EEFSEC: variants seen among roughly 807,000 people sequenced by gnomAD.
The protein encoded by EEFSEC is selenocysteine-specific elongation factor.
Under a neutral mutation model 42.1 loss-of-function variants are expected in EEFSEC, and 43 were observed. That is an observed-to-expected ratio of 1.02 (90% confidence interval 0.80 to 1.32). EEFSEC has a LOEUF of 1.32. Ranked by LOEUF, EEFSEC falls within the 40% of genes most tolerant of loss-of-function variation. EEFSEC has a pLI of 0.00. For missense variants in EEFSEC, 745 were observed against 803.6 expected, an observed-to-expected ratio of 0.93 and a Z score of 0.88; for synonymous variants, 354 against 339.1, an observed-to-expected ratio of 1.04 and a Z score of -0.48.
At chr3:128,252,965 A>C (rs536779901) in intron 2 of EEFSEC, among the ~76,000 whole-genome samples, 4 of 152,224 alleles carry the variant, frequency 2.6e-5, no homozygotes, top group African/African-American at 4.8e-5. Context: ...TAGACCCCAG[A>C]CACCAATCCA....
At chr3:128,272,254 G>A (rs1426488208) in intron 4 of EEFSEC, among the ~76,000 whole-genome samples, 3 of 152,206 alleles carry the variant, frequency 2.0e-5, no homozygotes, top group African/African-American at 7.2e-5. Context: ...GCTATCGAAG[G>A]ATCCGTCCTG....
intron 5 of EEFSEC, among the ~76,000 whole-genome samples, chr3:128,347,601 A>AAAT (rs898396419): frequency 2.0e-5 from 3 of 152,190 alleles, no homozygotes; most frequent in Non-Finnish European, 2.9e-5. Flanking sequence ...CAATGTTAAT[A>AAAT]AATAATAATA....
intron 1 of EEFSEC, among the ~76,000 whole-genome samples, chr3:128,238,277 C>T (rs1000734121): frequency 6.6e-6 from 1 of 152,210 alleles, no homozygotes; most frequent in Non-Finnish European, 1.5e-5. Flanking sequence ...ACAGCTGCTC[C>T]TCAGCCACAT....
chr3:128,224,032 G>A (rs192926719), intron 1 of EEFSEC, among the ~76,000 whole-genome samples: 1 of 150,674 alleles, frequency 6.6e-6, no homozygotes, highest in Non-Finnish European at 1.5e-5. Context: ...TATTTTCTAT[G>A]TGATCTTCTG....
intron 5 of EEFSEC, among the ~76,000 whole-genome samples, chr3:128,355,584 T>C (rs2067442693): frequency 6.8e-6 from 1 of 147,456 alleles, no homozygotes; most frequent in African/African-American, 2.5e-5. Context: ...TGTTATTGTG[T>C]ATCAGTTATA....
At chr3:128,329,878 T>G (rs2108053853) in intron 4 of EEFSEC, among the ~76,000 whole-genome samples, 1 of 152,334 alleles carries the variant, frequency 6.6e-6, no homozygotes, top group African/African-American at 2.4e-5. Context: ...TCTGTCCACC[T>G]TGGATCCATT....
At position 128,408,297 on chromosome 3, in the gene EEFSEC, C is replaced by T. The variant is rs757955975; in HGVS notation, c.*38C>T. 6.6e-7 allele frequency: 1 copy of T among 1,513,342 alleles called. No individual in the cohort carries two copies. The highest frequency in any genetic ancestry group is 2.0e-5 in the Admixed American group (1 of 49,670). The allele number at this position is 1,513,342 out of a possible 1,614,324, so 93.7% of individuals were successfully genotyped here. A position where few individuals can be genotyped will look rare whatever the true frequency, so the allele number is the denominator to read the frequency against. ...CTCCCCCAGGGCCTCCTTGCCCAGC[C>T]CAGTCCAGGCTGCTGTGCCAAATCC... On this transcript the variant is annotated 3_prime_UTR_variant, in exon 7 of 7. Coordinates refer to ENST00000254730, the MANE Select transcript of EEFSEC (RefSeq NM_021937.5).
chr3:128,307,032 A>G (rs189140105), intron 4 of EEFSEC, among the ~76,000 whole-genome samples: 2 of 152,376 alleles, frequency 1.3e-5, no homozygotes, highest in East Asian at 1.9e-4. Context: ...AATTGGAACC[A>G]GACTGCAGGG....
At position 128,153,601 on chromosome 3, in the gene EEFSEC, T is replaced by G; in HGVS notation, c.94T>G (p.Ser32Ala). 6.3e-7 allele frequency: 1 copy of G among 1,591,380 alleles called. No homozygotes were observed. Among genetic ancestry groups the G allele is most frequent in the Non-Finnish European group, 8.5e-7 (1 of 1,175,078 alleles). Residue 32 changes from serine (S) to alanine (A), a missense_variant, in exon 1 of 7, where the codon TCC becomes GCC. Ser to Ala is a moderately conservative substitution (Grantham distance 99). Coordinates refer to ENST00000254730, the MANE Select transcript of EEFSEC (RefSeq NM_021937.5). ...ALARALSTTA[S>A]TAAFDKQPQS... ...GGCGCGGGCGCTAAGCACCACAGCC[T>G]CCACCGCCGCCTTTGACAAGCAGCC...
At chr3:128,382,840 C>T (rs2067793404) in intron 6 of EEFSEC, among the ~76,000 whole-genome samples, 1 of 152,164 alleles carries the variant, frequency 6.6e-6, no homozygotes, top group South Asian at 2.1e-4. Flanking sequence ...AAAAGCAACC[C>T]CTACTCTTCT....
intron 6 of EEFSEC, among the ~76,000 whole-genome samples, chr3:128,395,501 A>T (rs571559233): frequency 6.6e-6 from 1 of 152,122 alleles, no homozygotes; most frequent in Non-Finnish European, 1.5e-5. Flanking sequence ...CACTGCTGTC[A>T]TGGGTGGTTT....
At chr3:128,363,943 A>T (rs769013670) in intron 6 of EEFSEC, among the ~76,000 whole-genome samples, 77 of 151,700 alleles carry the variant, frequency 5.1e-4, no homozygotes, top group Non-Finnish European at 7.9e-4. Flanking sequence ...ACCTCATCAG[A>T]CTCCCTCAGA....
intron 6 of EEFSEC, among the ~76,000 whole-genome samples, chr3:128,395,651 G>C (rs894559641): frequency 6.6e-6 from 1 of 152,210 alleles, no homozygotes; most frequent in Non-Finnish European, 1.5e-5. Flanking sequence ...CCTCACAGGG[G>C]ATCGTGGCCG....
chr3:128,252,037 C>T (rs538050665), intron 2 of EEFSEC, among the ~76,000 whole-genome samples: 15 of 152,254 alleles, frequency 9.9e-5, no homozygotes, highest in Admixed American at 3.9e-4. Flanking sequence ...GTGTTCTAGG[C>T]TTTTCTGTTT....
intron 5 of EEFSEC, among the ~76,000 whole-genome samples, chr3:128,357,388 A>G (rs1279792024): frequency 6.6e-6 from 1 of 152,276 alleles, no homozygotes; most frequent in East Asian, 1.9e-4. Context: ...GGGCACCCAC[A>G]AAGAGACAGC....
chr3:128,247,551 A>T (rs1456410974), intron 2 of EEFSEC, among the ~76,000 whole-genome samples: 1 of 152,208 alleles, frequency 6.6e-6, no homozygotes, highest in South Asian at 2.1e-4. Flanking sequence ...AGCTTGTAAG[A>T]TTGGGTGGAC....
chr3:128,164,781 C>T (rs944491748), intron 1 of EEFSEC, among the ~76,000 whole-genome samples: 9 of 152,072 alleles, frequency 5.9e-5, no homozygotes, highest in East Asian at 3.9e-4. Flanking sequence ...TCTCAGGAGC[C>T]GGGAGAGTCT....
In EEFSEC at chr3:128,408,440, C is replaced by A; in HGVS notation, c.*181C>A. The A allele has an allele frequency of 1.7e-6, 1 of 604,326 alleles. No individual in the cohort carries two copies. Among genetic ancestry groups the A allele is most frequent in the Non-Finnish European group, 2.7e-6 (1 of 371,840 alleles). 37.4% of individuals were successfully genotyped at this position (604,326 alleles called of 1,614,324 possible). A position where few individuals can be genotyped will look rare whatever the true frequency, so the allele number is the denominator to read the frequency against. ...AGCTGAGGGGGATGGGTTGCTGGGG[C>A]CAGGAGGGTCTCTCCTCCAGCCCCT... On this transcript the variant is annotated 3_prime_UTR_variant, in exon 7 of 7. Transcript: ENST00000254730.
At chr3:128,382,838 C>T (rs1039108347) in intron 6 of EEFSEC, among the ~76,000 whole-genome samples, 2 of 152,174 alleles carry the variant, frequency 1.3e-5, no homozygotes, top group Non-Finnish European at 2.9e-5. Flanking sequence ...GAAAAAGCAA[C>T]CCCTACTCTT....
Sources: gnomAD v4.1 joint callset for allele counts (sites outside exome capture counted in the v4.1 genomes callset) on GRCh38, gnomAD v4.1.1 for gene constraint, MANE v1.5 for transcripts, NCBI Gene and HGNC (gene_info 2026-07-23, HGNC 2026-07-21) for gene names.